The following NDUFA11 variants were observed in gnomAD, a reference collection of about 807,000 sequenced individuals.
NDUFA11 encodes the protein NADH dehydrogenase [ubiquinone] 1 alpha subcomplex subunit 11.
Under a neutral mutation model 11.3 loss-of-function variants are expected in NDUFA11, and 14 were observed. The ratio of observed to expected loss-of-function variants is 1.24; its 90% CI spans 0.82 to 1.94. The LOEUF is 1.94. Ranked by LOEUF, NDUFA11 falls within the 30% of genes most tolerant of loss-of-function variation. NDUFA11 has a pLI of 0.00. For synonymous variants in NDUFA11, 87 were observed against 85.6 expected (o/e 1.02, Z -0.09); for missense variants, 204 against 200.3 (o/e 1.02, Z -0.11).
intron 1 of NDUFA11, among the ~76,000 whole-genome samples, chr19:5,899,104 T>A (rs1446437226): frequency 6.6e-6 from 1 of 151,556 alleles, no homozygotes; most frequent in African/African-American, 2.4e-5. Context: ...CCAAATTCTT[T>A]TATGTATTTA....
chr19:5,902,933 C>T (rs546599931), intron 1 of NDUFA11, among the ~76,000 whole-genome samples: 4 of 150,682 alleles, frequency 2.7e-5, no homozygotes, highest in African/African-American at 9.8e-5. Flanking sequence ...ATTGCTCGAA[C>T]CAGGGACGTG....
chr19:5,896,744 C>G lies in NDUFA11; in HGVS notation c.190+161G>C, dbSNP rs113176774. The G allele has an allele frequency of 1.3e-3, 1,511 of 1,200,844 alleles. 18 individuals are homozygous for G. In the Middle Eastern group the frequency reaches 0.031, roughly 25 times the overall value. The allele number at this position is 1,200,844 out of a possible 1,614,324, so 74.4% of individuals were successfully genotyped here. A position where few individuals can be genotyped will look rare whatever the true frequency, so the allele number is the denominator to read the frequency against. On this transcript the variant is annotated intron_variant, in intron 2 of 3. Transcript: ENST00000308961. The surrounding 1 kb of genome is among the most constrained non-coding windows in gnomAD (Gnocchi z 5.8). ...AGCTGTTCTCCTGGGCCTCCCCACCCTACATGTATTCCTGATAAAGGAACA... is the reference window on the plus strand; with the variant it reads ...AGCTGTTCTCCTGGGCCTCCCCACCGTACATGTATTCCTGATAAAGGAACA...
intron 1 of NDUFA11, among the ~76,000 whole-genome samples, chr19:5,903,334 T>C (rs1399042464): frequency 6.6e-6 from 1 of 151,986 alleles, no homozygotes; most frequent in Non-Finnish European, 1.5e-5. Context: ...CACTCCACAA[T>C]TTCCCCGAGC....
At chr19:5,903,408 C>T (rs940578172) in intron 1 of NDUFA11, among the ~76,000 whole-genome samples, 2 of 152,146 alleles carry the variant, frequency 1.3e-5, no homozygotes, top group African/African-American at 4.8e-5. Flanking sequence ...GTCACGACCT[C>T]CCAGTGCTCC....
At chr19:5,901,666 GTTT>G (rs71927291) in intron 1 of NDUFA11, among the ~76,000 whole-genome samples, 16 of 146,598 alleles carry the variant, frequency 1.1e-4, no homozygotes, top group East Asian at 4.0e-4. Context: ...GTTTCTTTGG[GTTT>G]TTTTTTTTTT....
At chr19:5,898,154 A>AC (rs2057622412) in intron 1 of NDUFA11, among the ~76,000 whole-genome samples, 1 of 152,090 alleles carries the variant, frequency 6.6e-6, no homozygotes, top group South Asian at 2.1e-4. Flanking sequence ...ATGTAAAGCA[A>AC]TTCTCCAGAG....
chr19:5,893,508 C>G (rs1191205887), downstream of NDUFA11, among the ~76,000 whole-genome samples: 2 of 152,034 alleles, frequency 1.3e-5, no homozygotes, highest in Non-Finnish European at 2.9e-5. This position sits in a 1 kb window ranked among gnomAD's most constrained non-coding sequence, Gnocchi z 4.1. Flanking sequence ...ACTGCGTTGC[C>G]CAGGCTGGTT....
chr19:5,901,845 G>T (rs906185315), intron 1 of NDUFA11, among the ~76,000 whole-genome samples: 1 of 151,426 alleles, frequency 6.6e-6, no homozygotes, highest in Non-Finnish European at 1.5e-5. Flanking sequence ...AATTTTTTTT[G>T]TATTTTTAGT....
At chr19:5,892,749 C>T, downstream of NDUFA11, 1 of 895,044 alleles carries the variant, frequency 1.1e-6, no homozygotes, top group Non-Finnish European at 1.6e-6. Flanking sequence ...GAGACAGAGG[C>T]CGGTGCCCTC....
At chr19:5,895,021 G>C in intron 3 of NDUFA11, 167 bp from the exon 4 acceptor site, 1 of 783,654 alleles carries the variant, frequency 1.3e-6, no homozygotes. Context: ...CTGGAGATGT[G>C]GAAACTGATG....
Position 5,896,215 on chromosome 19 carries a change from G to A in NDUFA11, c.313+238C>T, listed in dbSNP as rs1039139674. 1.3e-5 allele frequency: 8 copies of A among 601,788 alleles called. No homozygotes were observed. Among genetic ancestry groups the A allele is most frequent in the South Asian group, 5.9e-5 (3 of 50,432 alleles). The allele number at this position is 601,788 out of a possible 1,614,324, so 37.3% of individuals were successfully genotyped here. On this transcript the variant is annotated intron_variant, in intron 3 of 3. Transcript: ENST00000308961. The surrounding 1 kb of genome is among the most constrained non-coding windows in gnomAD (Gnocchi z 5.8). ...TGTGGGAGGAGCAGTGAGGAGGCCC[G>A]TGTGGCTGGAGCAGAGTGAGGAGGG... is the stretch of plus-strand genomic sequence containing the variant.
intron 1 of NDUFA11, among the ~76,000 whole-genome samples, chr19:5,903,117 T>C (rs1197321754): frequency 6.6e-6 from 1 of 151,722 alleles, no homozygotes; most frequent in Non-Finnish European, 1.5e-5. Context: ...AGGACCTCTC[T>C]GGCGGTCCCA....
Position 5,901,554 on chromosome 19 carries a change from A to G in NDUFA11, c.97+2058T>C, listed in dbSNP as rs368671998. The G allele has an allele frequency of 1.5e-5, 15 of 1,002,788 alleles. No individual in the cohort carries two copies. In the Admixed American group the frequency reaches 2.0e-4, roughly 13 times the overall value. 62.1% of individuals were successfully genotyped at this position (1,002,788 alleles called of 1,614,324 possible). A position where few individuals can be genotyped will look rare whatever the true frequency, so the allele number is the denominator to read the frequency against. On this transcript the variant is annotated intron_variant, in intron 1 of 3. Transcript: ENST00000308961. ...TCTGCCCTAATTCAAATGCCTCCCA[A>G]TGGAGCCGCAACTTTGGCCGGGCCC...
Position 5,903,782 on chromosome 19 carries a change from G to C in NDUFA11, c.-74C>G, listed in dbSNP as rs533136847. The C allele has an allele frequency of 6.8e-7, 1 of 1,467,012 alleles. No homozygotes were observed. The highest frequency in any genetic ancestry group is 9.3e-7 in the Non-Finnish European group (1 of 1,070,988). The allele number at this position is 1,467,012 out of a possible 1,614,324, so 90.9% of individuals were successfully genotyped here. ...GCAAGGGCAGCCGCGGCTGGCTATCGCGAGACTTCTCGGGCTGCGCGCGCA... is the reference window on the plus strand; with the variant it reads ...GCAAGGGCAGCCGCGGCTGGCTATCCCGAGACTTCTCGGGCTGCGCGCGCA... On this transcript the variant is annotated 5_prime_UTR_variant, in exon 1 of 4. Transcript: ENST00000308961.
At chr19:5,901,971 GGTTTT>G (rs911273955) in intron 1 of NDUFA11, among the ~76,000 whole-genome samples, 20 of 145,910 alleles carry the variant, frequency 1.4e-4, no homozygotes, top group Admixed American at 5.6e-4. Context: ...GCGCCCGGCT[GGTTTT>G]GTTTTGTTTT....
intron 1 of NDUFA11, chr19:5,901,632 T>C (rs2057645984): frequency 3.0e-6 from 1 of 330,492 alleles, no homozygotes; most frequent in Non-Finnish European, 5.8e-6. Flanking sequence ...CCTCAGCTTA[T>C]AGACACACCA....
downstream of NDUFA11, among the ~76,000 whole-genome samples, chr19:5,893,454 G>T (rs1311269966): frequency 6.6e-6 from 1 of 152,100 alleles, no homozygotes; most frequent in Non-Finnish European, 1.5e-5. The surrounding 1 kb of genome is among the most constrained non-coding windows in gnomAD (Gnocchi z 4.1). Context: ...GACAGAGCAA[G>T]ACTATGTCTC....
intron 1 of NDUFA11, 37 bp downstream of exon 1, chr19:5,903,575 C>T: frequency 2.6e-6 from 4 of 1,538,468 alleles, no homozygotes; most frequent in Non-Finnish European, 2.6e-6. Flanking sequence ...TCCCTGCGGC[C>T]TCGGCCCTCC....
intron 1 of NDUFA11, chr19:5,901,415 C>T: frequency 7.8e-7 from 1 of 1,287,164 alleles, no homozygotes; most frequent in South Asian, 1.2e-5. Context: ...TCAAATGACC[C>T]TGGAGCAGTT....
Sources: gnomAD v4.1 joint callset for allele counts (sites outside exome capture counted in the v4.1 genomes callset) on GRCh38, gnomAD v4.1.1 for gene constraint, Gnocchi (gnomAD v3.1) non-coding constraint, MANE v1.5 for transcripts, NCBI Gene and HGNC (gene_info 2026-07-23, HGNC 2026-07-21) for gene names.